Variants in KIAA0825 observed in about 807,000 individuals in gnomAD.
The protein encoded by KIAA0825 is KIAA0825.
KIAA0825 carries 119 observed loss-of-function variants against 147.6 expected under a neutral mutation model. The ratio of observed to expected loss-of-function variants is 0.81; its 90% CI spans 0.69 to 0.94. The LOEUF is 0.94. KIAA0825 is among the 40% of genes least tolerant of loss of function. The pLI is 0.00. For missense variants in KIAA0825, 1,381 were observed against 1,472.7 expected (o/e 0.94, Z 1.02); for synonymous variants, 470 against 518.1 (o/e 0.91, Z 1.26).
intron 20 of KIAA0825, among the ~76,000 whole-genome samples, chr5:94,224,172 C>T (rs1386551001): frequency 6.1e-5 from 8 of 130,710 alleles, no homozygotes. Context: ...CGGCTCACTA[C>T]AACCTCCACC....
At chr5:94,283,418 TC>T (rs1372014162) in intron 20 of KIAA0825, among the ~76,000 whole-genome samples, 1 of 152,124 alleles carries the variant, frequency 6.6e-6, no homozygotes, top group African/African-American at 2.4e-5. Context: ...TGTTAAATGA[TC>T]CATAATTAAC....
chr5:94,419,304 A>C (rs529020112), intron 14 of KIAA0825, among the ~76,000 whole-genome samples: 1 of 152,302 alleles, frequency 6.6e-6, no homozygotes, highest in East Asian at 1.9e-4. Flanking sequence ...TCATAATTTA[A>C]TATTTTATCC....
rs116425723 is a variant in KIAA0825, at chr5:94,368,633, G to T, written c.3710+15735C>A. ...GAATTTTGAGAGTGGAGGCATATGGGAACAAAAAGAAACGGGTGTGAGAAA... is the reference window on the plus strand; with the variant it reads ...GAATTTTGAGAGTGGAGGCATATGGTAACAAAAAGAAACGGGTGTGAGAAA... On this transcript the variant is annotated intron_variant, in intron 20 of 20. Transcript: ENST00000682413. Among the ~76,000 whole-genome samples the T allele has an allele frequency of 8.2e-3, 1,253 of 152,260 alleles. 23 individuals carry two copies. Among genetic ancestry groups the T allele is most frequent in the African/African-American group, 0.029 (1,188 of 41,538 alleles).
chr5:94,354,892 G>A (rs1238538641), intron 20 of KIAA0825, among the ~76,000 whole-genome samples: 1 of 152,132 alleles, frequency 6.6e-6, no homozygotes, highest in Non-Finnish European at 1.5e-5. Flanking sequence ...CCCTCAGGAG[G>A]TCCTGGGAAC....
At chr5:94,370,834 G>T (rs960644518) in intron 20 of KIAA0825, among the ~76,000 whole-genome samples, 3 of 152,026 alleles carry the variant, frequency 2.0e-5, no homozygotes, top group African/African-American at 7.2e-5. Context: ...GCATGAAACC[G>T]GGAGACAGAG....
chr5:94,533,906 ACCT>A (rs1006747107), intron 3 of KIAA0825, among the ~76,000 whole-genome samples: 14 of 152,156 alleles, frequency 9.2e-5, no homozygotes, highest in African/African-American at 2.9e-4. Flanking sequence ...AGGTTCAGTG[ACCT>A]TTGGGCACAC....
intron 6 of KIAA0825, among the ~76,000 whole-genome samples, chr5:94,479,296 T>C (rs1584625482): frequency 6.6e-6 from 1 of 152,140 alleles, no homozygotes; most frequent in Non-Finnish European, 1.5e-5. Context: ...ATCTATTTGC[T>C]GTCTTTATAG....
chr5:94,417,035 T>C (rs1276138595), intron 15 of KIAA0825, 166 bp downstream of exon 15: 2 of 545,610 alleles, frequency 3.7e-6, no homozygotes, highest in South Asian at 6.9e-5. Context: ...CAGGAACCAA[T>C]AATTAATGAT....
intron 20 of KIAA0825, among the ~76,000 whole-genome samples, chr5:94,202,943 C>A (rs1562310729): frequency 1.3e-5 from 2 of 152,166 alleles, no homozygotes; most frequent in Non-Finnish European, 2.9e-5. Flanking sequence ...CATTTCATAT[C>A]ATTCCTGAGA....
intron 8 of KIAA0825, among the ~76,000 whole-genome samples, chr5:94,473,008 A>G (rs1455822643): frequency 6.6e-6 from 1 of 152,118 alleles, no homozygotes; most frequent in Non-Finnish European, 1.5e-5. Context: ...CAAACGTATA[A>G]TCAAAACAGG....
chr5:94,305,234 C>T (rs1313753242), intron 20 of KIAA0825, among the ~76,000 whole-genome samples: 2 of 151,832 alleles, frequency 1.3e-5, no homozygotes, highest in African/African-American at 4.8e-5. Flanking sequence ...AAATAATGAC[C>T]AATCTTTCTT....
chr5:94,252,676 T>C (rs1012450817), intron 20 of KIAA0825, among the ~76,000 whole-genome samples: 1 of 151,918 alleles, frequency 6.6e-6, no homozygotes, highest in African/African-American at 2.4e-5. Flanking sequence ...TTCCAGAAAA[T>C]AGGAACCATT....
intron 20 of KIAA0825, among the ~76,000 whole-genome samples, chr5:94,165,959 C>T (rs548982545): frequency 1.4e-4 from 22 of 152,206 alleles, no homozygotes; most frequent in South Asian, 6.2e-4. Flanking sequence ...AATATTGTGA[C>T]TATAGTTTAT....
chr5:94,549,945 G>GA (rs1197301512), intron 2 of KIAA0825, among the ~76,000 whole-genome samples: 56 of 151,894 alleles, frequency 3.7e-4, no homozygotes, highest in Non-Finnish European at 2.7e-4. Flanking sequence ...CTGAAACAAA[G>GA]AAAACAATAG....
At chr5:94,401,846 T>C (rs1751422425) in intron 16 of KIAA0825, among the ~76,000 whole-genome samples, 1 of 152,158 alleles carries the variant, frequency 6.6e-6, no homozygotes, top group Non-Finnish European at 1.5e-5. Context: ...ACTTAGTAAA[T>C]TTCTACTGAA....
chr5:94,593,910 G>T (rs1784795370), intron 1 of KIAA0825: 2 of 423,044 alleles, frequency 4.7e-6, no homozygotes, highest in African/African-American at 4.1e-5. Flanking sequence ...GACGAAGTGG[G>T]AATATCCAGA....
At chr5:94,382,512 A>G (rs760297912) in intron 20 of KIAA0825, among the ~76,000 whole-genome samples, 1 of 152,238 alleles carries the variant, frequency 6.6e-6, no homozygotes, top group African/African-American at 2.4e-5. Flanking sequence ...AGGTGGATCA[A>G]TTAGGTTCAT....
At chr5:94,272,195 A>G (rs1040070697) in intron 20 of KIAA0825, among the ~76,000 whole-genome samples, 3 of 150,282 alleles carry the variant, frequency 2.0e-5, no homozygotes, top group Non-Finnish European at 3.0e-5. Flanking sequence ...TGGGAAGGGT[A>G]GTGGGGGGAG....
intron 3 of KIAA0825, among the ~76,000 whole-genome samples, chr5:94,532,515 TCTTTCCTTTC>T (rs1158956140): frequency 2.0e-5 from 3 of 151,706 alleles, no homozygotes; most frequent in Non-Finnish European, 4.4e-5. Context: ...TCTTTCCTTT[TCTTTCCTTTC>T]CTCATTTCCC....
Sources: allele counts gnomAD v4.1 joint callset (sites outside exome capture counted in the v4.1 genomes callset), GRCh38; gene constraint gnomAD v4.1.1; transcripts MANE v1.5; gene names NCBI Gene and HGNC (gene_info 2026-07-23, HGNC 2026-07-21).